KAT7: variants seen among roughly 807,000 people sequenced by gnomAD.
KAT7 encodes histone acetyltransferase KAT7.
In KAT7, 10 loss-of-function variants were observed where a neutral mutation model predicts 82.1. The observed-to-expected ratio is 0.12, with a 90% CI of 0.08 to 0.21. KAT7 has a LOEUF of 0.21. KAT7 is among the 10% of genes least tolerant of loss of function. The probability of loss-of-function intolerance (pLI) is 1.00; values close to 1 mark genes in which losing one functional copy is unlikely to be tolerated. For synonymous variants in KAT7, 250 were observed against 262.5 expected (o/e 0.95, Z 0.46); for missense variants, 378 against 760.9 (o/e 0.50, Z 5.92).
At chr17:49,822,364 A>T (rs562569799) in intron 11 of KAT7, among the ~76,000 whole-genome samples, 51 of 152,130 alleles carry the variant, frequency 3.4e-4, no homozygotes, top group African/African-American at 1.1e-3. Context: ...AGTAGCTGGG[A>T]TAACAGGCGC....
At chr17:49,811,913 A>T (rs2074170944) in intron 7 of KAT7, among the ~76,000 whole-genome samples, 1 of 152,248 alleles carries the variant, frequency 6.6e-6, no homozygotes, top group African/African-American at 2.4e-5. Flanking sequence ...GAAGAAAAAT[A>T]TTCAAGCTTA....
intron 13 of KAT7, 34 bp downstream of exon 13, chr17:49,826,180 T>TA (rs1363489732): frequency 2.5e-6 from 4 of 1,602,058 alleles, no homozygotes; most frequent in Admixed American, 1.7e-5. Flanking sequence ...GGTTGATTGT[T>TA]ACCCAAGAAG....
chr17:49,805,643 A>G (rs531222778), intron 5 of KAT7, among the ~76,000 whole-genome samples, 198 bp downstream of exon 5: 1 of 152,358 alleles, frequency 6.6e-6, no homozygotes, highest in South Asian at 2.1e-4. Flanking sequence ...GTAATATGTA[A>G]TGAGTGCTTT....
At position 49,796,882 on chromosome 17, in the gene KAT7, C is replaced by G; in HGVS notation, c.296C>G (p.Ser99Ter). 6.2e-7 allele frequency: 1 copy of G among 1,614,170 alleles called. No homozygotes were observed. The highest frequency in any genetic ancestry group is 8.5e-7 in the Non-Finnish European group (1 of 1,180,028). ...PKKYPLRQTRSSGSETEQVVD... is the reference protein window; with the variant it reads ...PKKYPLRQTR ...AAATACCCTCTTCGGCAGACTCGTT[C>G]ATCTGGTTCAGAAACTGAGCAAGTG... Residue 99 changes from serine to a stop codon, truncating the protein, a stop_gained, in exon 3 of 15, where the codon TCA becomes TGA. Transcript: ENST00000259021. LOFTEE classifies it high-confidence loss of function.
Position 49,809,916 on chromosome 17 carries a change from C to A in KAT7, c.753+708C>A, listed in dbSNP as rs570333345. 2.0e-5 allele frequency among the ~76,000 whole-genome samples: 3 copies of A among 152,234 alleles called. No individual in the cohort carries two copies. In the South Asian group the frequency reaches 6.2e-4, roughly 32 times the overall value. On this transcript the variant is annotated intron_variant, in intron 6 of 14. Coordinates refer to ENST00000259021, the MANE Select transcript of KAT7 (RefSeq NM_007067.5). The stretch of plus-strand genomic sequence containing the variant: ...CATTGTAGTGCTCTCAAAATGTTAG[C>A]CTTTGTGACATATTATATTTTGTTC...
At chr17:49,817,392 T>A (rs1416986301) in intron 8 of KAT7, among the ~76,000 whole-genome samples, 2 of 152,208 alleles carry the variant, frequency 1.3e-5, no homozygotes, top group Non-Finnish European at 2.9e-5. Flanking sequence ...TTAGTGTAAA[T>A]TCTCATGGAT....
rs1006528415 is a variant in KAT7, at chr17:49,791,992, G to C, written c.122G>C (p.Arg41Pro). The C allele has an allele frequency of 2.5e-6, 4 of 1,614,088 alleles. No homozygotes were observed. Among genetic ancestry groups the C allele is most frequent in the Non-Finnish European group, 3.4e-6 (4 of 1,180,022 alleles). ...GATGGCACATCCCGACGATCTGCTC[G>C]AGTCACCCGCTCCTCAGCCAGGCTA... ...ESDGTSRRSA[R>P]VTRSSARLSQ... Residue 41 changes from arginine (R) to proline (P), a missense_variant, in exon 2 of 15, where the codon CGA becomes CCA. This residue lies in a region of KAT7 where 161 missense variants were observed against 229.6 expected (regional missense o/e 0.70). Coordinates refer to ENST00000259021, the MANE Select transcript of KAT7 (RefSeq NM_007067.5).
intron 14 of KAT7, 46 bp downstream of exon 14, chr17:49,826,845 G>A (rs2074374392): frequency 7.8e-7 from 1 of 1,289,834 alleles, no homozygotes; most frequent in South Asian, 1.2e-5. Context: ...TGTCCTTCAA[G>A]ACTTAGCAGA....
intron 9 of KAT7, among the ~76,000 whole-genome samples, chr17:49,819,815 T>C (rs902279462): frequency 6.6e-6 from 1 of 152,194 alleles, no homozygotes; most frequent in African/African-American, 2.4e-5. Context: ...AGAGCCAGCA[T>C]GAGTAAAGGG....
At chr17:49,805,475 G>A (rs776096764) in intron 5 of KAT7, 30 bp downstream of exon 5, 2 of 1,512,356 alleles carry the variant, frequency 1.3e-6, no homozygotes, top group Admixed American at 3.4e-5. Flanking sequence ...TTCAACACAT[G>A]CTTATTGAGT....
At chr17:49,790,153 T>A (rs556689970) in intron 1 of KAT7, among the ~76,000 whole-genome samples, 1 of 152,276 alleles carries the variant, frequency 6.6e-6, no homozygotes, top group Admixed American at 6.5e-5. Context: ...CTTTTTAATG[T>A]CTCCTAAAAT....
intron 11 of KAT7, among the ~76,000 whole-genome samples, chr17:49,822,937 TC>T (rs2074324126): frequency 6.6e-6 from 1 of 152,190 alleles, no homozygotes; most frequent in Non-Finnish European, 1.5e-5. Flanking sequence ...GTCTTAAACT[TC>T]TTGCCCTACT....
intron 1 of KAT7, chr17:49,790,060 T>TA (rs1317729593): frequency 6.6e-6 from 1 of 152,222 alleles, no homozygotes. Context: ...ACCCTTAAGA[T>TA]ACTTGGAAAA....
chr17:49,810,061 C>T (rs2074142567), intron 6 of KAT7, among the ~76,000 whole-genome samples: 1 of 152,174 alleles, frequency 6.6e-6, no homozygotes, highest in South Asian at 2.1e-4. Flanking sequence ...GATTATTTAA[C>T]TCTAGCTATG....
intron 6 of KAT7, among the ~76,000 whole-genome samples, chr17:49,809,446 G>A (rs1022295413): frequency 5.9e-5 from 9 of 152,194 alleles, no homozygotes; most frequent in African/African-American, 2.2e-4. Flanking sequence ...AGTAGTAGTA[G>A]TAGATAATTC....
At chr17:49,793,762 G>A (rs1567846960) in intron 2 of KAT7, among the ~76,000 whole-genome samples, 2 of 151,556 alleles carry the variant, frequency 1.3e-5, no homozygotes, top group African/African-American at 2.4e-5. Context: ...TAGTAGAGAT[G>A]GGGTTTCACC....
intron 4 of KAT7, among the ~76,000 whole-genome samples, chr17:49,805,116 G>T (rs1176542373): frequency 6.6e-6 from 1 of 152,202 alleles, no homozygotes; most frequent in Non-Finnish European, 1.5e-5. Context: ...AGAAGTCTAA[G>T]AGCAGAAAGA....
intron 13 of KAT7, 71 bp downstream of exon 13, chr17:49,826,217 C>T: frequency 6.8e-7 from 1 of 1,472,136 alleles, no homozygotes; most frequent in Non-Finnish European, 9.4e-7. Flanking sequence ...TTGTGTTTCC[C>T]CTGAATGTGA....
rs7221118 is a variant in KAT7, at chr17:49,830,279, T to C, written c.*2777T>C. The stretch of plus-strand genomic sequence containing the variant: ...CATGATCTCAGCTCACTGCAATGTC[T>C]GCCTCCTGGATTCCAGTGATTCTCC... On this transcript the variant is annotated 3_prime_UTR_variant, in exon 15 of 15. Coordinates refer to ENST00000259021, the MANE Select transcript of KAT7 (RefSeq NM_007067.5). 47,628 of 148,816 alleles carry C rather than the reference T, an allele frequency of 0.32. 8,562 individuals carry two copies. Among genetic ancestry groups the C allele is most frequent in the East Asian group, 0.53 (2,621 of 4,970 alleles). The allele number at this position is 148,816 out of a possible 1,614,324, so 9.2% of individuals were successfully genotyped here. A position where few individuals can be genotyped will look rare whatever the true frequency, so the allele number is the denominator to read the frequency against.
Sources: allele counts gnomAD v4.1 joint callset (sites outside exome capture counted in the v4.1 genomes callset), GRCh38; gene constraint gnomAD v4.1.1; regional missense constraint gnomAD v4.1.1; transcripts MANE v1.5; gene names NCBI Gene and HGNC (gene_info 2026-07-23, HGNC 2026-07-21).